CPSF3: variants seen among roughly 807,000 people sequenced by gnomAD.
CPSF3 encodes cleavage and polyadenylation specificity factor subunit 3.
CPSF3 carries 57 observed loss-of-function variants against 84.1 expected under a neutral mutation model. The ratio of observed to expected loss-of-function variants is 0.68; its 90% CI spans 0.55 to 0.85. The LOEUF (loss-of-function observed/expected upper bound fraction) is 0.85, where lower values mean the gene tolerates loss of function less well. Ranked by LOEUF, CPSF3 falls within the 40% of genes least tolerant of loss-of-function variation. The pLI, the probability that CPSF3 is intolerant of heterozygous loss-of-function variation, is 0.00. For missense variants in CPSF3, 522 were observed against 838.8 expected (o/e 0.62, Z 4.66); for synonymous variants, 275 against 278.1 (o/e 0.99, Z 0.11).
intron 5 of CPSF3, among the ~76,000 whole-genome samples, chr2:9,432,960 A>G (rs183226325): frequency 6.6e-6 from 1 of 152,370 alleles, no homozygotes; most frequent in Admixed American, 6.5e-5. Context: ...CCCTGACACC[A>G]TAGGATTCCG....
At chr2:9,435,861 T>C (rs1241472946) in intron 6 of CPSF3, among the ~76,000 whole-genome samples, 1 of 151,738 alleles carries the variant, frequency 6.6e-6, no homozygotes, top group Non-Finnish European at 1.5e-5. Flanking sequence ...GCCTCCGGAG[T>C]AGCTGGGATT....
Position 9,466,350 on chromosome 2 carries a change from GCGCA to G in CPSF3, c.1787-1355_1787-1352del, listed in dbSNP as rs1409952645. Among the ~76,000 whole-genome samples the G allele has an allele frequency of 3.2e-3, 342 of 108,218 alleles. 2 individuals carry two copies. Among genetic ancestry groups the G allele is most frequent in the Middle Eastern group, 0.025 (4 of 162 alleles). The allele number at this position is 108,218 out of a possible 152,430, so 71.0% of individuals were successfully genotyped here. A position where few individuals can be genotyped will look rare whatever the true frequency, so the allele number is the denominator to read the frequency against. On this transcript the variant is annotated intron_variant, in intron 15 of 17. Coordinates refer to ENST00000238112, the MANE Select transcript of CPSF3 (RefSeq NM_016207.4). ...CAGACGCACGCACACACGCGCGCGC[GCGCA>G]CACACACACGCACACACCCACGCAC...
intron 2 of CPSF3, 43 bp from the exon 3 acceptor site, chr2:9,429,879 TA>T: frequency 7.5e-7 from 1 of 1,327,540 alleles, no homozygotes; most frequent in Non-Finnish European, 1.1e-6. Context: ...TGAATTTTAA[TA>T]AAATGTGCAG....
At chr2:9,427,655 C>T (rs956423766) in intron 1 of CPSF3, among the ~76,000 whole-genome samples, 2 of 152,178 alleles carry the variant, frequency 1.3e-5, no homozygotes, top group African/African-American at 4.8e-5. Context: ...AGATCCATTG[C>T]ATGTCCATCT....
At chr2:9,450,451 A>G (rs1001413530) in intron 11 of CPSF3, among the ~76,000 whole-genome samples, 1 of 150,834 alleles carries the variant, frequency 6.6e-6, no homozygotes, top group Admixed American at 6.6e-5. Flanking sequence ...CACCGTGCCC[A>G]GTCTGAGGCT....
chr2:9,436,230 A>G lies in CPSF3; in HGVS notation c.629A>G (p.His210Arg). The G allele has an allele frequency of 6.2e-7, 1 of 1,608,908 alleles. No homozygotes were observed. Among genetic ancestry groups the G allele is most frequent in the Non-Finnish European group, 8.5e-7 (1 of 1,177,744 alleles). ...ILIIESTYGT[H>R]IHEKREEREA... The stretch of plus-strand genomic sequence containing the variant: ...ATTTAGGAATCTACTTATGGGACCC[A>G]TATCCATGAGAAACGTGAAGAGCGA... The change falls in exon 7 of 18, where the codon CAT becomes CGT. Residue 210 changes from histidine (H) to arginine (R), a missense_variant. Coordinates refer to ENST00000238112, the MANE Select transcript of CPSF3 (RefSeq NM_016207.4).
intron 7 of CPSF3, among the ~76,000 whole-genome samples, chr2:9,437,826 C>T (rs916033973): frequency 6.6e-6 from 1 of 152,164 alleles, no homozygotes. Flanking sequence ...CAAGGCAAGA[C>T]CCTGTCTCTA....
chr2:9,454,060 A>G (rs747793417), intron 12 of CPSF3, among the ~76,000 whole-genome samples: 9 of 152,190 alleles, frequency 5.9e-5, no homozygotes, highest in African/African-American at 1.4e-4. Flanking sequence ...AGTAAATACT[A>G]TGCTCAAGGT....
At chr2:9,451,778 G>A (rs527770484) in intron 11 of CPSF3, among the ~76,000 whole-genome samples, 98 of 149,526 alleles carry the variant, frequency 6.6e-4, no homozygotes, top group Middle Eastern at 3.5e-3. Flanking sequence ...GTGCAGTGGC[G>A]CGATCTCAGC....
intron 16 of CPSF3, among the ~76,000 whole-genome samples, chr2:9,468,617 AC>A (rs1682052369): frequency 1.8e-5 from 2 of 110,620 alleles, no homozygotes; most frequent in South Asian, 2.8e-4. Flanking sequence ...TTCTACACTG[AC>A]CTTTTTTTTT....
chr2:9,427,134 A>C (rs1442216107), intron 1 of CPSF3, among the ~76,000 whole-genome samples: 1 of 152,200 alleles, frequency 6.6e-6, no homozygotes, highest in East Asian at 1.9e-4. Flanking sequence ...GCAGACAGTG[A>C]GGAAAATGTC....
chr2:9,425,360 T>G (rs138756486), intron 1 of CPSF3, among the ~76,000 whole-genome samples: 203 of 152,322 alleles, frequency 1.3e-3, no homozygotes, highest in African/African-American at 4.1e-3. Context: ...AGCATGGATA[T>G]TGTGGGAATT....
intron 6 of CPSF3, among the ~76,000 whole-genome samples, chr2:9,435,795 C>T (rs1464235462): frequency 6.8e-6 from 1 of 146,434 alleles, no homozygotes; most frequent in Non-Finnish European, 1.5e-5. Flanking sequence ...TGCAATGGTG[C>T]GATCTCGGCT....
intron 7 of CPSF3, 87 bp downstream of exon 7, chr2:9,436,448 C>G: frequency 7.4e-7 from 1 of 1,356,114 alleles, no homozygotes; most frequent in Non-Finnish European, 1.0e-6. Context: ...AGTCATTCCA[C>G]CGTTCTGGAC....
At chr2:9,455,132 G>A (rs926951261) in intron 12 of CPSF3, among the ~76,000 whole-genome samples, 1 of 148,296 alleles carries the variant, frequency 6.7e-6, no homozygotes, top group Non-Finnish European at 1.5e-5. Flanking sequence ...GGGACATGAG[G>A]TGCTTTTTTT....
At chr2:9,468,921 C>T (rs753117250) in intron 16 of CPSF3, among the ~76,000 whole-genome samples, 47 of 152,126 alleles carry the variant, frequency 3.1e-4, no homozygotes, top group Admixed American at 2.2e-3. Flanking sequence ...CCCCCGTGCC[C>T]GGCCCACTAA....
At chr2:9,464,069 ATGTGTG>A (rs59473921) in intron 15 of CPSF3, among the ~76,000 whole-genome samples, 2 of 149,118 alleles carry the variant, frequency 1.3e-5, no homozygotes, top group Admixed American at 6.7e-5. Context: ...TCTGTGGTGT[ATGTGTG>A]TGTGTGTGTG....
chr2:9,431,544 TTTTTTTTC>T (rs1232914180), intron 4 of CPSF3, among the ~76,000 whole-genome samples: 5 of 99,204 alleles, frequency 5.0e-5, no homozygotes, highest in Non-Finnish European at 1.1e-4. Flanking sequence ...TTTTTTCTTT[TTTTTTTTC>T]TTTTTTTTTT....
chr2:9,451,873 C>T (rs1031484496), intron 11 of CPSF3, among the ~76,000 whole-genome samples: 8 of 151,902 alleles, frequency 5.3e-5, no homozygotes, highest in African/African-American at 1.4e-4. Context: ...CCCGCCACCA[C>T]GGCCAGCTAG....
Sources: allele counts gnomAD v4.1 joint callset (sites outside exome capture counted in the v4.1 genomes callset), GRCh38; gene constraint gnomAD v4.1.1; transcripts MANE v1.5; gene names NCBI Gene and HGNC (gene_info 2026-07-23, HGNC 2026-07-21).